Variants in ANKRD55 observed in about 807,000 individuals in gnomAD.
ANKRD55 encodes the protein ankyrin repeat domain 55.
Under a neutral mutation model 60.6 loss-of-function variants are expected in ANKRD55, and 41 were observed. The observed-to-expected ratio is 0.68, with a 90% CI of 0.53 to 0.88. ANKRD55 has a LOEUF of 0.88. ANKRD55 is among the 40% of genes least tolerant of loss of function. The pLI is 0.00. For synonymous variants in ANKRD55, 264 were observed against 290.3 expected, an observed-to-expected ratio of 0.91 and a Z score of 0.92; for missense variants, 732 against 767.6, an observed-to-expected ratio of 0.95 and a Z score of 0.55.
intron 6 of ANKRD55, among the ~76,000 whole-genome samples, chr5:56,154,650 T>A (rs1022023999): frequency 2.1e-5 from 3 of 145,266 alleles, no homozygotes; most frequent in African/African-American, 5.1e-5. Context: ...AGTCACGCCA[T>A]CTCAGATCAC....
chr5:56,201,983 T>A (rs1759392410), intron 2 of ANKRD55, among the ~76,000 whole-genome samples: 1 of 152,216 alleles, frequency 6.6e-6, no homozygotes, highest in African/African-American at 2.4e-5. Flanking sequence ...AACGAGGTCA[T>A]GTCCTTTGCA....
intron 2 of ANKRD55, among the ~76,000 whole-genome samples, chr5:56,229,789 T>C (rs904725716): frequency 5.3e-5 from 8 of 152,206 alleles, no homozygotes; most frequent in East Asian, 3.8e-4. Context: ...AGGCCAGGGA[T>C]TGGCCATGTG....
chr5:56,203,011 T>C lies in ANKRD55; in HGVS notation c.59-19377A>G, dbSNP rs1005807020. ...TTAAAAATATCTTAATCTTTATGTA[T>C]GGGGCCTTTAGGATGGAGGCAATAT... On this transcript the variant is annotated intron_variant, in intron 2 of 11. Coordinates refer to ENST00000341048, the MANE Select transcript of ANKRD55 (RefSeq NM_024669.3). 2.6e-5 allele frequency among the ~76,000 whole-genome samples: 4 copies of C among 152,190 alleles called. No homozygotes were observed. In the East Asian group the frequency reaches 7.7e-4, roughly 29 times the overall value.
At chr5:56,196,629 T>G (rs1759235935) in intron 2 of ANKRD55, among the ~76,000 whole-genome samples, 1 of 152,166 alleles carries the variant, frequency 6.6e-6, no homozygotes, top group Admixed American at 6.6e-5. Flanking sequence ...AGGCTTGGAG[T>G]TAGTCATTTA....
intron 2 of ANKRD55, among the ~76,000 whole-genome samples, chr5:56,196,238 T>TGGATTAAATA (rs1449711681): frequency 6.6e-6 from 1 of 152,214 alleles, no homozygotes; most frequent in Non-Finnish European, 1.5e-5. Flanking sequence ...TAAATAAATG[T>TGGATTAAATA]AAGGTTCTTA....
chr5:56,179,783 T>C (rs1187696260), intron 3 of ANKRD55, among the ~76,000 whole-genome samples: 1 of 152,190 alleles, frequency 6.6e-6, no homozygotes, highest in Admixed American at 6.5e-5. Flanking sequence ...CGAGACTCAT[T>C]GTCTTGTCCT....
intron 3 of ANKRD55, among the ~76,000 whole-genome samples, chr5:56,182,201 G>T (rs1389179143): frequency 6.6e-6 from 1 of 152,042 alleles, no homozygotes; most frequent in Non-Finnish European, 1.5e-5. Flanking sequence ...CAAATCTCTG[G>T]TGAAATAATC....
At chr5:56,205,196 G>A (rs1228239222) in intron 2 of ANKRD55, among the ~76,000 whole-genome samples, 2 of 152,168 alleles carry the variant, frequency 1.3e-5, no homozygotes, top group African/African-American at 2.4e-5. Flanking sequence ...GAGTAGTTGG[G>A]ATTACAGGTG....
chr5:56,138,185 T>C (rs1410038504), intron 7 of ANKRD55, among the ~76,000 whole-genome samples: 1 of 146,256 alleles, frequency 6.8e-6, no homozygotes, highest in Non-Finnish European at 1.5e-5. Flanking sequence ...TGGAGTGCAA[T>C]GGCGCAATCT....
chr5:56,232,753 C>T (rs1206798705), intron 2 of ANKRD55, 103 bp downstream of exon 2: 2 of 1,186,996 alleles, frequency 1.7e-6, no homozygotes, highest in Non-Finnish European at 2.5e-6. Flanking sequence ...TGAACACACA[C>T]ACACACACAC....
intron 2 of ANKRD55, 145 bp downstream of exon 2, chr5:56,232,711 A>T (rs1760286272): frequency 4.2e-6 from 3 of 721,586 alleles, no homozygotes; most frequent in East Asian, 5.5e-5. Flanking sequence ...TCCACATCCT[A>T]CATAGCAAAT....
At chr5:56,179,716 T>C (rs1344767446) in intron 3 of ANKRD55, among the ~76,000 whole-genome samples, 3 of 152,182 alleles carry the variant, frequency 2.0e-5, no homozygotes, top group Non-Finnish European at 4.4e-5. Context: ...AATATTTGGG[T>C]TCCAGTTCCA....
intron 9 of ANKRD55, among the ~76,000 whole-genome samples, chr5:56,112,515 A>AAAAAAC: frequency 6.7e-6 from 1 of 150,112 alleles, no homozygotes; most frequent in Non-Finnish European, 1.5e-5. Flanking sequence ...AAAAAAAAAA[A>AAAAAAC]AAAAAAACAA....
chr5:56,126,751 T>C (rs1370075312), intron 8 of ANKRD55, among the ~76,000 whole-genome samples, 171 bp downstream of exon 8: 1 of 152,196 alleles, frequency 6.6e-6, no homozygotes, highest in Non-Finnish European at 1.5e-5. Flanking sequence ...ATAACAATAA[T>C]TTTTTCTCCT....
At chr5:56,230,257 G>A (rs1234850892) in intron 2 of ANKRD55, among the ~76,000 whole-genome samples, 1 of 152,108 alleles carries the variant, frequency 6.6e-6, no homozygotes, top group African/African-American at 2.4e-5. Context: ...ACCATGCCCA[G>A]CTAATTTTTG....
rs1450257165 is a variant in ANKRD55, at chr5:56,116,645, G to A, written c.935C>T (p.Ala312Val). The A allele has an allele frequency of 2.5e-6, 4 of 1,604,718 alleles. No individual in the cohort carries two copies. Among genetic ancestry groups the A allele is most frequent in the East Asian group, 2.3e-5 (1 of 43,736 alleles). ...LAYALYCGHT[A>V]CVKLLSQESR... is the part of the protein sequence containing the mutation. Reference sequence around the variant, plus strand: ...CTCTTGGGAGAGGAGTTTGACACACGCCGTGTGACCGCAGTACAGGGCATA... The same window carrying A: ...CTCTTGGGAGAGGAGTTTGACACACACCGTGTGACCGCAGTACAGGGCATA... The change falls in exon 9 of 12, where the codon GCG becomes GTG. Residue 312 changes from alanine to valine, a missense_variant. Ala to Val is a moderately conservative substitution (Grantham distance 64). Transcript: ENST00000341048.
chr5:56,195,447 C>T (rs321817), intron 2 of ANKRD55, among the ~76,000 whole-genome samples: 66,716 of 151,894 alleles, frequency 0.44, 18,527 homozygotes, highest in African/African-American at 0.77. Flanking sequence ...TTTAGCTAAA[C>T]AATTTCTTTT....
chr5:56,116,519 T>G, intron 9 of ANKRD55, 96 bp downstream of exon 9: 2 of 1,001,828 alleles, frequency 2.0e-6, no homozygotes, highest in Non-Finnish European at 2.7e-6. Flanking sequence ...ATAATAATAT[T>G]ATTATTGGTT....
chr5:56,208,322 TA>T (rs1300808594), intron 2 of ANKRD55, among the ~76,000 whole-genome samples: 126 of 152,198 alleles, frequency 8.3e-4, no homozygotes, highest in African/African-American at 2.9e-3. Context: ...TAAATAATGA[TA>T]AAACTATAGT....
Sources: gnomAD v4.1 joint callset for allele counts (sites outside exome capture counted in the v4.1 genomes callset) on GRCh38, gnomAD v4.1.1 for gene constraint, MANE v1.5 for transcripts, NCBI Gene and HGNC (gene_info 2026-07-23, HGNC 2026-07-21) for gene names.